The following ADARB2 variants were observed in gnomAD, a reference collection of about 807,000 sequenced individuals.
ADARB2 encodes the protein adenosine deaminase RNA specific B2 (inactive).
ADARB2 carries 25 observed loss-of-function variants against 62.2 expected under a neutral mutation model. The ratio of observed to expected loss-of-function variants is 0.40; its 90% confidence interval spans 0.29 to 0.56. ADARB2 has a LOEUF of 0.56. Ranked by LOEUF, ADARB2 falls within the 20% of genes least tolerant of loss-of-function variation. The pLI is 0.43. For synonymous variants in ADARB2, 572 were observed against 500.8 expected, an observed-to-expected ratio of 1.14 and a Z score of -1.90; for missense variants, 1,071 against 1,077.4, an observed-to-expected ratio of 0.99 and a Z score of 0.08.
At chr10:1,695,831 T>C (rs1387443483) in intron 1 of ADARB2, among the ~76,000 whole-genome samples, 1 of 149,520 alleles carries the variant, frequency 6.7e-6, no homozygotes, top group Non-Finnish European at 1.5e-5. Flanking sequence ...TGAGAGTGCA[T>C]GCATGTGTGT....
chr10:1,195,479 CAG>C (rs1185261897), intron 8 of ADARB2, among the ~76,000 whole-genome samples: 14 of 146,866 alleles, frequency 9.5e-5, no homozygotes, highest in African/African-American at 3.5e-4. Context: ...CTCAGAATGG[CAG>C]AGTTTTGCAG....
chr10:1,316,547 G>T (rs1432306936), intron 3 of ADARB2, among the ~76,000 whole-genome samples: 1 of 152,142 alleles, frequency 6.6e-6, no homozygotes, highest in Non-Finnish European at 1.5e-5. Context: ...GGGAGTCATT[G>T]GTTTTCCTCC....
chr10:1,258,471 A>C (rs1411015851), intron 4 of ADARB2, among the ~76,000 whole-genome samples: 1 of 151,558 alleles, frequency 6.6e-6, no homozygotes, highest in African/African-American at 2.4e-5. Flanking sequence ...CTACCAAGCA[A>C]ATGGCAAACA....
At chr10:1,228,824 G>GC (rs1251734061) in intron 6 of ADARB2, among the ~76,000 whole-genome samples, 2 of 152,240 alleles carry the variant, frequency 1.3e-5, no homozygotes, top group East Asian at 3.9e-4. Flanking sequence ...CTGCAGACAG[G>GC]CAGGCTACCA....
chr10:1,189,907 G>C lies in ADARB2; in HGVS notation c.1865-4868C>G, dbSNP rs1444425172. On this transcript the variant is annotated intron_variant, in intron 8 of 9. Coordinates refer to ENST00000381312, the MANE Select transcript of ADARB2 (RefSeq NM_018702.4). The stretch of plus-strand genomic sequence containing the variant: ...ACACGTGGCGCTACCTCCTTCCCCA[G>C]AACACGTGGCGCTACCTCCTTCCCC... 2.1e-5 allele frequency among the ~76,000 whole-genome samples: 3 copies of C among 144,578 alleles called. No individual in the cohort carries two copies. In the East Asian group the frequency reaches 6.1e-4, roughly 29 times the overall value. The allele number at this position is 144,578 out of a possible 152,430, so 94.8% of individuals were successfully genotyped here.
At chr10:1,467,503 G>T (rs1253250563) in intron 1 of ADARB2, among the ~76,000 whole-genome samples, 1 of 152,164 alleles carries the variant, frequency 6.6e-6, no homozygotes, top group Non-Finnish European at 1.5e-5. Context: ...CTGTGTTGAT[G>T]CATGAAGCCA....
chr10:1,235,217 G>A (rs1830854202), intron 5 of ADARB2, among the ~76,000 whole-genome samples: 1 of 144,242 alleles, frequency 6.9e-6, no homozygotes, highest in African/African-American at 2.6e-5. Flanking sequence ...TTAAAAGGAG[G>A]AAAAGAGCTG....
At chr10:1,651,747 C>T (rs147912425) in intron 1 of ADARB2, among the ~76,000 whole-genome samples, 4 of 152,068 alleles carry the variant, frequency 2.6e-5, no homozygotes, top group East Asian at 1.9e-4. Flanking sequence ...GCGTGACTCT[C>T]GGGGGGAGCG....
chr10:1,505,376 G>GTT (rs1325240058), intron 1 of ADARB2, among the ~76,000 whole-genome samples: 9 of 144,292 alleles, frequency 6.2e-5, no homozygotes, highest in Admixed American at 6.8e-5. Flanking sequence ...GGATCGGAGG[G>GTT]TTTTTGTTTT....
intron 1 of ADARB2, among the ~76,000 whole-genome samples, chr10:1,451,077 C>T (rs927612891): frequency 6.6e-6 from 1 of 152,236 alleles, no homozygotes. Flanking sequence ...ATAACCATGT[C>T]CTCATAGCCT....
intron 1 of ADARB2, among the ~76,000 whole-genome samples, chr10:1,447,613 G>T (rs919346932): frequency 6.6e-6 from 1 of 152,100 alleles, no homozygotes; most frequent in Non-Finnish European, 1.5e-5. Flanking sequence ...AGGGGTACAT[G>T]TGCAGGTTTG....
chr10:1,675,962 T>C (rs771220588), intron 1 of ADARB2: 12 of 969,028 alleles, frequency 1.2e-5, no homozygotes, highest in Non-Finnish European at 1.5e-5. Context: ...CCCAGTTAGA[T>C]GAAGATGTGG....
chr10:1,264,109 C>A (rs1831170547), intron 4 of ADARB2, among the ~76,000 whole-genome samples: 1 of 152,140 alleles, frequency 6.6e-6, no homozygotes, highest in Admixed American at 6.5e-5. Context: ...CACAGAGACA[C>A]AGCATCAGCT....
At chr10:1,576,039 C>CG (rs549090548) in intron 1 of ADARB2, among the ~76,000 whole-genome samples, 28 of 19,858 alleles carry the variant, frequency 1.4e-3, no homozygotes, top group South Asian at 7.5e-3. Flanking sequence ...GGCCACTCGG[C>CG]GGGGGGGTCA....
chr10:1,233,978 C>CTTTTTTTTTTTTTTTTT lies in ADARB2; in HGVS notation c.1362-134_1362-133insAAAAAAAAAAAAAAAAA, dbSNP rs1589160330. On this transcript the variant is annotated intron_variant, in intron 5 of 9. Coordinates refer to ENST00000381312, the MANE Select transcript of ADARB2 (RefSeq NM_018702.4). ...CTTTATATTTTTCCTTTTTTTTTTC[C>CTTTTTTTTTTTTTTTTT]TTTTTTTTTTGAGACGGAGTCTTGT... The CTTTTTTTTTTTTTTTTT allele has an allele frequency of 1.4e-5, 6 of 433,412 alleles. 3 individuals are homozygous for CTTTTTTTTTTTTTTTTT. Among genetic ancestry groups the CTTTTTTTTTTTTTTTTT allele is most frequent in the African/African-American group, 7.2e-5 (2 of 27,728 alleles). The allele number at this position is 433,412 out of a possible 1,614,324, so 26.8% of individuals were successfully genotyped here.
At chr10:1,391,643 A>G (rs1254478081) in intron 1 of ADARB2, among the ~76,000 whole-genome samples, 1 of 152,280 alleles carries the variant, frequency 6.6e-6, no homozygotes, top group Middle Eastern at 3.4e-3. Flanking sequence ...ACTTAAAAAC[A>G]TCTTTTGGTG....
intron 1 of ADARB2, among the ~76,000 whole-genome samples, chr10:1,673,377 G>A (rs531428886): frequency 6.6e-6 from 1 of 151,412 alleles, no homozygotes; most frequent in Non-Finnish European, 1.5e-5. Flanking sequence ...TTGTAAGTGG[G>A]CAACTTATGG....
At chr10:1,543,579 C>T (rs1021541822) in intron 1 of ADARB2, among the ~76,000 whole-genome samples, 8 of 152,202 alleles carry the variant, frequency 5.3e-5, no homozygotes, top group Non-Finnish European at 1.0e-4. Flanking sequence ...GCGTCTCCCA[C>T]ACACCCTCGC....
At chr10:1,594,228 T>C (rs1000404206) in intron 1 of ADARB2, among the ~76,000 whole-genome samples, 2 of 151,970 alleles carry the variant, frequency 1.3e-5, no homozygotes, top group African/African-American at 2.4e-5. Flanking sequence ...GAGGCAGAGG[T>C]TGCAGGGACC....
Sources: allele counts gnomAD v4.1 joint callset (sites outside exome capture counted in the v4.1 genomes callset), GRCh38; gene constraint gnomAD v4.1.1; transcripts MANE v1.5; gene names NCBI Gene and HGNC (gene_info 2026-07-23, HGNC 2026-07-21).